Variants in ADGRL3 observed in about 807,000 individuals in gnomAD.
ADGRL3 encodes the protein calcium-independent alpha-latrotoxin receptor 3.
A neutral mutation model predicts 153.5 loss-of-function variants in ADGRL3; 62 were observed. The ratio of observed to expected loss-of-function variants is 0.40; its 90% confidence interval spans 0.33 to 0.50. The LOEUF (loss-of-function observed/expected upper bound fraction) is 0.50, where lower values mean the gene tolerates loss of function less well. Ranked by LOEUF, ADGRL3 falls within the 20% of genes least tolerant of loss-of-function variation. The pLI is 0.47. For missense variants in ADGRL3, 1,641 were observed against 1,859.4 expected, an observed-to-expected ratio of 0.88 and a Z score of 2.16; for synonymous variants, 710 against 672.5, an observed-to-expected ratio of 1.06 and a Z score of -0.86.
intron 1 of ADGRL3, among the ~76,000 whole-genome samples, chr4:61,365,153 A>T (rs1237551671): frequency 6.6e-6 from 1 of 152,142 alleles, no homozygotes; most frequent in Non-Finnish European, 1.5e-5. Context: ...CTGCCCAGAC[A>T]TCTCTTTAGC....
At chr4:61,335,301 C>A (rs954748749) in intron 1 of ADGRL3, among the ~76,000 whole-genome samples, 2 of 151,944 alleles carry the variant, frequency 1.3e-5, no homozygotes, top group South Asian at 2.1e-4. Context: ...CTTTTCAGTA[C>A]GTTTTACTCT....
intron 17 of ADGRL3, among the ~76,000 whole-genome samples, chr4:61,952,882 T>C (rs1420367825): frequency 6.6e-6 from 1 of 152,184 alleles, no homozygotes; most frequent in Non-Finnish European, 1.5e-5. Context: ...TGTATAACAG[T>C]CATGACTGTG....
intron 21 of ADGRL3, among the ~76,000 whole-genome samples, chr4:62,026,563 AAT>A (rs770880640): frequency 1.8e-4 from 28 of 152,272 alleles, no homozygotes; most frequent in African/African-American, 4.6e-4. Context: ...AAAAATAAAA[AAT>A]ATGTCACCTC....
chr4:61,722,896 A>T (rs1386394100), intron 6 of ADGRL3, among the ~76,000 whole-genome samples: 3 of 152,172 alleles, frequency 2.0e-5, no homozygotes, highest in African/African-American at 7.2e-5. Flanking sequence ...TGGGACTATT[A>T]ATTTAAAAGT....
intron 1 of ADGRL3, among the ~76,000 whole-genome samples, chr4:61,349,638 C>T (rs2095999720): frequency 6.6e-6 from 1 of 152,044 alleles, no homozygotes; most frequent in African/African-American, 2.4e-5. Context: ...TAAATAGCAT[C>T]CTATTAGTAC....
intron 9 of ADGRL3, among the ~76,000 whole-genome samples, chr4:61,856,600 CTCTCTTTTTTTTTTTTT>C (rs1176989005): frequency 4.3e-5 from 1 of 23,456 alleles, no homozygotes; most frequent in African/African-American, 9.9e-5. Flanking sequence ...CTCTCTCTCT[CTCTCTTTTTTTTTTTTT>C]TTTTTTTTTT....
At chr4:61,839,877 G>A (rs2098001353) in intron 9 of ADGRL3, among the ~76,000 whole-genome samples, 1 of 151,450 alleles carries the variant, frequency 6.6e-6, no homozygotes, top group Non-Finnish European at 1.5e-5. Context: ...TTGAGCTCAG[G>A]AGTTTGAGGC....
chr4:61,787,374 A>G (rs2097289438), intron 8 of ADGRL3, among the ~76,000 whole-genome samples: 1 of 152,046 alleles, frequency 6.6e-6, no homozygotes, highest in Non-Finnish European at 1.5e-5. Flanking sequence ...TTTTAAAAAA[A>G]AAGCATAGGT....
intron 1 of ADGRL3, among the ~76,000 whole-genome samples, chr4:61,375,190 G>A (rs2096589162): frequency 6.6e-6 from 1 of 152,032 alleles, no homozygotes; most frequent in African/African-American, 2.4e-5. Flanking sequence ...GTATTTGGTA[G>A]CATGTGTTGG....
At chr4:61,853,187 C>G (rs1276971056) in intron 9 of ADGRL3, among the ~76,000 whole-genome samples, 2 of 151,978 alleles carry the variant, frequency 1.3e-5, no homozygotes, top group Non-Finnish European at 2.9e-5. Flanking sequence ...GTGACCAGCC[C>G]CCATCCTGAT....
chr4:61,813,175 A>T (rs2097649937), intron 8 of ADGRL3, among the ~76,000 whole-genome samples: 1 of 152,210 alleles, frequency 6.6e-6, no homozygotes, highest in East Asian at 1.9e-4. Context: ...CGAGTGGATC[A>T]CGAGGTCAGG....
chr4:62,041,294 A>G (rs1582019626), intron 24 of ADGRL3, among the ~76,000 whole-genome samples: 1 of 152,108 alleles, frequency 6.6e-6, no homozygotes, highest in East Asian at 1.9e-4. Context: ...TGCATCAGTC[A>G]CACAAACATA....
intron 1 of ADGRL3, among the ~76,000 whole-genome samples, chr4:61,260,893 T>C (rs758493612): frequency 5.3e-5 from 8 of 151,946 alleles, no homozygotes; most frequent in Non-Finnish European, 1.0e-4. Context: ...GCCTAACTAA[T>C]TTTTGTATTT....
chr4:61,771,715 C>A (rs1198218969), intron 8 of ADGRL3, among the ~76,000 whole-genome samples: 2 of 152,148 alleles, frequency 1.3e-5, no homozygotes, highest in African/African-American at 2.4e-5. Flanking sequence ...CCAACCACAA[C>A]CACTCCCCAC....
chr4:61,529,648 T>A (rs2098599943), intron 4 of ADGRL3, among the ~76,000 whole-genome samples: 1 of 152,146 alleles, frequency 6.6e-6, no homozygotes, highest in Non-Finnish European at 1.5e-5. Context: ...TTGACATTTA[T>A]GGAATGATAT....
At chr4:61,472,047 G>A (rs1391287975) in intron 2 of ADGRL3, among the ~76,000 whole-genome samples, 1 of 151,992 alleles carries the variant, frequency 6.6e-6, no homozygotes. Context: ...TTAGCTTTGA[G>A]TACTAGATTC....
intron 1 of ADGRL3, among the ~76,000 whole-genome samples, chr4:61,302,200 T>C (rs1481305127): frequency 6.6e-6 from 1 of 152,090 alleles, no homozygotes; most frequent in Admixed American, 6.6e-5. Flanking sequence ...TAGGTGGGCC[T>C]TTGATTTTAT....
At chr4:61,834,330 G>A (rs2097909466) in intron 9 of ADGRL3, among the ~76,000 whole-genome samples, 1 of 152,094 alleles carries the variant, frequency 6.6e-6, no homozygotes, top group African/African-American at 2.4e-5. Context: ...CATGGTGTAT[G>A]TGCCACATTT....
chr4:61,879,646 C>T (rs1280850658), intron 9 of ADGRL3, among the ~76,000 whole-genome samples: 5 of 152,048 alleles, frequency 3.3e-5, no homozygotes, highest in Non-Finnish European at 5.9e-5. Flanking sequence ...AGCAAGACTC[C>T]ATATTCTTAA....
Sources: allele counts gnomAD v4.1 joint callset (sites outside exome capture counted in the v4.1 genomes callset), GRCh38; gene constraint gnomAD v4.1.1; transcripts MANE v1.5; gene names NCBI Gene and HGNC (gene_info 2026-07-23, HGNC 2026-07-21).